The following FBXW9 variants were observed in gnomAD, a reference collection of about 807,000 sequenced individuals.
FBXW9 encodes the protein F-box and WD repeat domain containing 9.
Under a neutral mutation model 55.8 loss-of-function variants are expected in FBXW9, and 38 were observed. That is an observed-to-expected ratio of 0.68 (90% CI 0.53 to 0.89). The LOEUF (loss-of-function observed/expected upper bound fraction) is 0.89, where lower values mean the gene tolerates loss of function less well. Among genes scored for constraint, FBXW9 ranks in the 40% least tolerant of loss-of-function variants. FBXW9 has a pLI of 0.00. For synonymous variants in FBXW9, 289 were observed against 278.2 expected (o/e 1.04, Z -0.38); for missense variants, 590 against 619.4 (o/e 0.95, Z 0.50).
rs537582507 is a variant in FBXW9 at position 12,696,609 on chromosome 19, G to C, written c.-28C>G. ...CGACCGGGTGGGCGCTGCCGGCCTC[G>C]CGTCTTGTCTCCTAGGCAGCACGAG... On this transcript the variant is annotated 5_prime_UTR_variant, in exon 1 of 10. Coordinates refer to ENST00000393261, the MANE Select transcript of FBXW9 (RefSeq NM_032301.3). 386 of 1,599,906 alleles carry C rather than the reference G, an allele frequency of 2.4e-4. 4 individuals carry two copies. Among genetic ancestry groups the C allele is most frequent in the South Asian group, 1.5e-3 (135 of 90,718 alleles).
At position 12,696,548 on chromosome 19, in the gene FBXW9, G is replaced by A. The variant is rs769543984; in HGVS notation, c.34C>T (p.Arg12Cys). 3.7e-6 allele frequency: 6 copies of A among 1,611,936 alleles called. No individual in the cohort carries two copies. Among genetic ancestry groups the A allele is most frequent in the Admixed American group, 3.3e-5 (2 of 60,006 alleles). Reference protein sequence around the residue: ...ELPLGRCDDSRTWDDDSDPES... With the variant: ...ELPLGRCDDSCTWDDDSDPES... ...GGGTCCGAGTCATCGTCCCAGGTGC[G>A]GGAATCATCGCACCGCCCTAGGGGA... is the stretch of plus-strand genomic sequence containing the variant. The change falls in exon 1 of 10, where the codon CGC (arginine) becomes TGC (cysteine). Residue 12 changes from arginine (R) to cysteine (C), a missense_variant. Arg to Cys is a radical substitution (Grantham distance 180). Transcript: ENST00000393261.
chr19:12,694,155 C>G (rs2025046529), intron 3 of FBXW9, among the ~76,000 whole-genome samples: 1 of 137,170 alleles, frequency 7.3e-6, no homozygotes, highest in Non-Finnish European at 1.5e-5. Context: ...AGCCTAGCAA[C>G]AGAGTGAGAC....
Position 12,689,366 on chromosome 19 carries a change from C to CCT in FBXW9, c.1302+4_1302+5dup, listed in dbSNP as rs2024969809. On this transcript the variant is annotated splice_donor_region_variant and intron_variant, in intron 9 of 9. Coordinates refer to ENST00000393261, the MANE Select transcript of FBXW9 (RefSeq NM_032301.3). This position sits in a 1 kb window ranked among gnomAD's most constrained non-coding sequence, Gnocchi z 5.9. ...GCTGGGCAGGGCACATGGGGCAGGA[C>CCT]CTTACCCTATTGAGCCCATTGTCAT... The CCT allele has an allele frequency of 2.5e-6, 4 of 1,614,150 alleles. No homozygotes were observed. The Middle Eastern group carries it at 5.0e-4, about 200-fold the overall frequency.
At chr19:12,692,739 G>T (rs1459595068) in intron 3 of FBXW9, among the ~76,000 whole-genome samples, 3 of 151,796 alleles carry the variant, frequency 2.0e-5, no homozygotes, top group Non-Finnish European at 4.4e-5. Context: ...GCCCAGGCTG[G>T]TCTCGAACTC....
chr19:12,690,269 G>A (rs955240707), intron 5 of FBXW9, 159 bp from the exon 6 acceptor site: 5 of 1,259,754 alleles, frequency 4.0e-6, no homozygotes, highest in African/African-American at 3.0e-5. Context: ...TCCCGCCTCA[G>A]GTAAATCCAG....
Position 12,689,180 on chromosome 19 carries a change from C to A in FBXW9, c.*36G>T, listed in dbSNP as rs1568324366. 1 of 1,486,578 alleles carries A rather than the reference C, an allele frequency of 6.7e-7. No individual in the cohort carries two copies. Among genetic ancestry groups the A allele is most frequent in the East Asian group, 2.3e-5 (1 of 44,264 alleles). 92.1% of individuals were successfully genotyped at this position (1,486,578 alleles called of 1,614,324 possible). A position where few individuals can be genotyped will look rare whatever the true frequency, so the allele number is the denominator to read the frequency against. On this transcript the variant is annotated 3_prime_UTR_variant, in exon 10 of 10. Transcript: ENST00000393261. The surrounding 1 kb of genome is among the most constrained non-coding windows in gnomAD (Gnocchi z 5.9). Reference sequence around the variant, plus strand: ...CCAAGAACAGAGGAGGAAGCCCAGCCTCCGGCAGGCAGTATCCACATCCAC... The same window carrying A: ...CCAAGAACAGAGGAGGAAGCCCAGCATCCGGCAGGCAGTATCCACATCCAC...
chr19:12,693,599 CACACACACAA>C lies in FBXW9; in HGVS notation c.678+985_678+994del, dbSNP rs1358845024. On this transcript the variant is annotated intron_variant, in intron 3 of 9. Coordinates refer to ENST00000393261, the MANE Select transcript of FBXW9 (RefSeq NM_032301.3). ...ACACACACACACACACACACACACACACACACACAAAAGAAATTAGCTGGGCATGGTGGCA... is the reference window on the plus strand; with the variant it reads ...ACACACACACACACACACACACACACAAGAAATTAGCTGGGCATGGTGGCA... Among the ~76,000 whole-genome samples, 12 of 89,854 alleles carry C rather than the reference CACACACACAA, an allele frequency of 1.3e-4. 1 individual carries two copies. Among genetic ancestry groups the C allele is most frequent in the African/African-American group, 6.3e-4 (11 of 17,490 alleles). The allele number at this position is 89,854 out of a possible 152,430, so 58.9% of individuals were successfully genotyped here. A position where few individuals can be genotyped will look rare whatever the true frequency, so the allele number is the denominator to read the frequency against.
At chr19:12,693,067 T>C (rs2025026519) in intron 3 of FBXW9, among the ~76,000 whole-genome samples, 1 of 152,122 alleles carries the variant, frequency 6.6e-6, no homozygotes, top group Non-Finnish European at 1.5e-5. Context: ...CAATATTGTG[T>C]ATCTCATTTT....
chr19:12,692,010 C>A (rs555977066), intron 3 of FBXW9, among the ~76,000 whole-genome samples: 8 of 152,156 alleles, frequency 5.3e-5, no homozygotes, highest in African/African-American at 1.9e-4. Flanking sequence ...CCCGCTTCAG[C>A]CTCCCAAAGT....
intron 5 of FBXW9, 133 bp downstream of exon 5, chr19:12,691,033 C>T (rs2024999883): frequency 1.2e-6 from 1 of 839,658 alleles, no homozygotes; most frequent in East Asian, 2.4e-5. Context: ...CTGTATTGTA[C>T]CAGCACAGCA....
intron 3 of FBXW9, among the ~76,000 whole-genome samples, chr19:12,692,002 C>T (rs1389592632): frequency 3.3e-5 from 5 of 151,642 alleles, no homozygotes; most frequent in African/African-American, 7.3e-5. Context: ...GTGATCCGCC[C>T]GCTTCAGCCT....
Position 12,691,269 on chromosome 19 carries a change from C to T in FBXW9, c.792-12G>A. ...CGGCTGAGCTGGCCCTAGGGACACA[C>T]AGACCACAGGGCTTTGGCTGTGGCC... On this transcript the variant is annotated splice_polypyrimidine_tract_variant and intron_variant, in intron 4 of 9. Transcript: ENST00000393261. The T allele has an allele frequency of 1.2e-6, 2 of 1,614,026 alleles. No individual in the cohort carries two copies. The highest frequency in any genetic ancestry group is 1.7e-6 in the Non-Finnish European group (2 of 1,179,860).
rs1568326337 is a variant in FBXW9 at position 12,693,582 on chromosome 19, ACACACACACACACACACACACACAC to A, written c.678+987_678+1011del. Reference sequence around the variant, plus strand: ...TATATACACACACACACACACACACACACACACACACACACACACACACACAAAAGAAATTAGCTGGGCATGGTGG... The same window carrying A: ...TATATACACACACACACACACACACAAAAAGAAATTAGCTGGGCATGGTGG... On this transcript the variant is annotated intron_variant, in intron 3 of 9. Transcript: ENST00000393261. 2.5e-4 allele frequency among the ~76,000 whole-genome samples: 28 copies of A among 113,456 alleles called. 4 individuals are homozygous for A. The highest frequency in any genetic ancestry group is 1.5e-3 in the African/African-American group (28 of 18,100). The allele number at this position is 113,456 out of a possible 152,430, so 74.4% of individuals were successfully genotyped here.
Position 12,696,462 on chromosome 19 carries a change from C to T in FBXW9, c.120G>A (p.Pro40=), listed in dbSNP as rs762436615. The T allele has an allele frequency of 1.8e-5, 29 of 1,612,462 alleles. No homozygotes were observed. In the African/African-American group the frequency reaches 2.3e-4, roughly 13 times the overall value. The part of the protein sequence containing the change: ...AKAYVARVLS[P]PKSGLAFSRP... ...GCGAGAACGCCAGCCCGGATTTTGG[C>T]GGACTGAGAACGCGGGCCACGTAGG... The change falls in exon 1 of 10, where the codon CCG becomes CCA. Residue 40 remains proline (P), a synonymous_variant. Coordinates refer to ENST00000393261, the MANE Select transcript of FBXW9 (RefSeq NM_032301.3).
intron 3 of FBXW9, among the ~76,000 whole-genome samples, chr19:12,693,523 AAAAAAAATATATATAT>A (rs2025032255): frequency 3.2e-5 from 1 of 30,776 alleles, no homozygotes; most frequent in Non-Finnish European, 6.5e-5. Flanking sequence ...AAAAAAAAAA[AAAAAAAATATATATAT>A]ATATATATAT....
rs764108774 is a variant in FBXW9 at position 12,694,715 on chromosome 19, G to T, written c.557C>A (p.Ser186Ter). ...ATCTCGGGAGCCCGACAGACAGAGT[G>T]ACCCACCCTGGAAAGGGAGCAAGGT... is the stretch of plus-strand genomic sequence containing the variant. ...VDSVLLLQGG[S>*]LCLSGSRDRN... is the part of the protein sequence containing the mutation. Residue 186 changes from serine to a stop codon, truncating the protein, a stop_gained, in exon 3 of 10, where the codon TCA (serine) becomes TAA (stop). Transcript: ENST00000393261. LOFTEE classifies it high-confidence loss of function. 3 of 1,614,180 alleles carry T rather than the reference G, an allele frequency of 1.9e-6. No homozygotes were observed. In the South Asian group the frequency reaches 3.3e-5, roughly 18 times the overall value.
intron 3 of FBXW9, among the ~76,000 whole-genome samples, chr19:12,692,008 A>G (rs2025015179): frequency 1.3e-5 from 2 of 151,750 alleles, no homozygotes; most frequent in African/African-American, 4.8e-5. Flanking sequence ...CGCCCGCTTC[A>G]GCCTCCCAAA....
chr19:12,695,860 G>A (rs1390640641), intron 1 of FBXW9, among the ~76,000 whole-genome samples: 1 of 152,074 alleles, frequency 6.6e-6, no homozygotes, highest in African/African-American at 2.4e-5. Flanking sequence ...CCCAATCAGG[G>A]GTCAGTGGCT....
In FBXW9 at chr19:12,688,927, A is replaced by G. The variant is rs1326273154; in HGVS notation, c.*289T>C. On this transcript the variant is annotated 3_prime_UTR_variant, in exon 10 of 10. Transcript: ENST00000393261. ...ACTCACACTCCAGGCCCAAGCACCA[A>G]CATGTCAGGTTTATTTCTCCTTCGC... is the stretch of plus-strand genomic sequence containing the variant. 3.4e-6 allele frequency: 2 copies of G among 580,386 alleles called. No individual in the cohort carries two copies. Among genetic ancestry groups the G allele is most frequent in the Non-Finnish European group, 3.2e-6 (1 of 310,294 alleles). 36.0% of individuals were successfully genotyped at this position (580,386 alleles called of 1,614,324 possible).
Sources: gnomAD v4.1 joint callset for allele counts (sites outside exome capture counted in the v4.1 genomes callset) on GRCh38, gnomAD v4.1.1 for gene constraint, Gnocchi (gnomAD v3.1) non-coding constraint, MANE v1.5 for transcripts, NCBI Gene and HGNC (gene_info 2026-07-23, HGNC 2026-07-21) for gene names.